Variants in WWOX observed in about 807,000 individuals in gnomAD.
WWOX encodes WW domain containing oxidoreductase, also known as WW domain-containing oxidoreductase.
WWOX carries 69 observed loss-of-function variants against 46.2 expected under a neutral mutation model. The observed-to-expected ratio is 1.49, with a 90% CI of 1.23 to 1.82. The LOEUF (loss-of-function observed/expected upper bound fraction) is 1.82. Among genes scored for constraint, WWOX ranks in the 40% most tolerant of loss-of-function variants. WWOX has a pLI of 0.00. For synonymous variants in WWOX, 359 were observed against 202.6 expected (o/e 1.77, Z -6.56); for missense variants, 919 against 542.6 (o/e 1.69, Z -6.89).
At chr16:78,144,429 C>CTATATATATATATATATATA (rs1231079672) in intron 4 of WWOX, among the ~76,000 whole-genome samples, 472 of 15,342 alleles carry the variant, frequency 0.031, 55 homozygotes, top group African/African-American at 0.039. Context: ...TTTGCCATTA[C>CTATATATATATATATATATA]TATATATATA....
chr16:78,964,428 CT>C (rs1025073352), intron 8 of WWOX, among the ~76,000 whole-genome samples: 22 of 152,326 alleles, frequency 1.4e-4, no homozygotes, highest in African/African-American at 5.1e-4. Flanking sequence ...CATTTTGCCC[CT>C]GCGCTAGAGA....
chr16:78,888,349 C>T (rs2044512309), intron 8 of WWOX, among the ~76,000 whole-genome samples: 1 of 152,184 alleles, frequency 6.6e-6, no homozygotes, highest in Non-Finnish European at 1.5e-5. Flanking sequence ...GAACTGAAAT[C>T]CCAGGTACCT....
intron 8 of WWOX, chr16:78,495,863 G>A (rs1339598656): frequency 6.6e-6 from 1 of 152,070 alleles, no homozygotes; most frequent in African/African-American, 2.4e-5. Flanking sequence ...ATTTTTTTCA[G>A]TGAGTGTGGA....
At chr16:78,530,270 G>A (rs1406377126) in intron 8 of WWOX, among the ~76,000 whole-genome samples, 1 of 152,164 alleles carries the variant, frequency 6.6e-6, no homozygotes, top group Non-Finnish European at 1.5e-5. Context: ...ACAGTTCAGT[G>A]GAGGGTCAGC....
intron 8 of WWOX, among the ~76,000 whole-genome samples, chr16:79,151,316 T>C (rs4622524): frequency 0.4 from 60,921 of 152,096 alleles, 13,805 homozygotes; most frequent in African/African-American, 0.62. Flanking sequence ...GGTGTGCTCC[T>C]GGAGGTCACT....
At chr16:79,182,768 G>T (rs953931946) in intron 8 of WWOX, among the ~76,000 whole-genome samples, 4 of 152,178 alleles carry the variant, frequency 2.6e-5, no homozygotes, top group African/African-American at 9.7e-5. Flanking sequence ...GAGTAAATGA[G>T]TCACTATTTC....
chr16:78,630,041 T>G (rs368244255), intron 8 of WWOX, among the ~76,000 whole-genome samples: 15 of 152,208 alleles, frequency 9.9e-5, no homozygotes, highest in East Asian at 3.8e-4. Flanking sequence ...GTCTCACTCA[T>G]GTAGACTCGA....
intron 5 of WWOX, among the ~76,000 whole-genome samples, chr16:78,234,630 C>T (rs1296263043): frequency 6.6e-6 from 1 of 152,050 alleles, no homozygotes; most frequent in African/African-American, 2.4e-5. Flanking sequence ...GCTAAGAACC[C>T]ATCAAATCAA....
intron 4 of WWOX, among the ~76,000 whole-genome samples, chr16:78,158,416 A>G (rs1355896472): frequency 6.6e-6 from 1 of 152,006 alleles, no homozygotes; most frequent in Non-Finnish European, 1.5e-5. Flanking sequence ...AGTTTAGAGC[A>G]ATGGGTTGGT....
intron 8 of WWOX, among the ~76,000 whole-genome samples, chr16:78,615,680 T>C (rs2046005407): frequency 6.7e-6 from 1 of 149,406 alleles, no homozygotes; most frequent in African/African-American, 2.5e-5. Context: ...AATAAATAAA[T>C]ACATAATAAA....
intron 8 of WWOX, among the ~76,000 whole-genome samples, chr16:78,901,768 C>G (rs2044837108): frequency 6.6e-6 from 1 of 152,210 alleles, no homozygotes; most frequent in Non-Finnish European, 1.5e-5. Context: ...GGATTACAGG[C>G]GTGAGCCACT....
intron 8 of WWOX, among the ~76,000 whole-genome samples, chr16:78,602,320 C>T (rs2045640678): frequency 2.0e-5 from 3 of 152,118 alleles, no homozygotes; most frequent in South Asian, 4.1e-4. Context: ...GCAACCTTCA[C>T]CTCCTAGGTT....
At chr16:78,894,029 A>ATTATTATTATTG (rs1353950073) in intron 8 of WWOX, among the ~76,000 whole-genome samples, 1 of 145,048 alleles carries the variant, frequency 6.9e-6, no homozygotes, top group Non-Finnish European at 1.5e-5. Context: ...TTTTATTATT[A>ATTATTATTATTG]TTATTATTAT....
At position 78,963,258 on chromosome 16, in the gene WWOX, C is replaced by T. The variant is rs563660112; in HGVS notation, c.1057-248350C>T. Among the ~76,000 whole-genome samples the T allele has an allele frequency of 9.9e-5, 15 of 152,114 alleles. No individual in the cohort carries two copies. In the East Asian group the frequency reaches 2.1e-3, roughly 22 times the overall value. On this transcript the variant is annotated intron_variant, in intron 8 of 8. Coordinates refer to ENST00000566780, the MANE Select transcript of WWOX (RefSeq NM_016373.4). The stretch of plus-strand genomic sequence containing the variant: ...CAGAGGTGAGAGGATTCCTTGAGTC[C>T]GGGAGTTGAAGACCAGTCTGGGCAA...
At chr16:78,778,920 A>T (rs772739508) in intron 8 of WWOX, among the ~76,000 whole-genome samples, 1 of 152,084 alleles carries the variant, frequency 6.6e-6, no homozygotes, top group Non-Finnish European at 1.5e-5. Context: ...TAGGGATAGG[A>T]TGTCGCCCCT....
intron 5 of WWOX, among the ~76,000 whole-genome samples, chr16:78,235,219 T>G (rs1247898039): frequency 6.6e-6 from 1 of 152,244 alleles, no homozygotes; most frequent in African/African-American, 2.4e-5. Context: ...TTCAAACAGC[T>G]CAGTACTTTA....
intron 8 of WWOX, among the ~76,000 whole-genome samples, chr16:78,944,442 A>G (rs988960287): frequency 6.6e-6 from 1 of 152,200 alleles, no homozygotes; most frequent in African/African-American, 2.4e-5. Flanking sequence ...TGATGGGGGC[A>G]AATATCACAA....
intron 8 of WWOX, among the ~76,000 whole-genome samples, chr16:79,076,684 G>A (rs562421458): frequency 2.6e-5 from 4 of 152,300 alleles, no homozygotes; most frequent in African/African-American, 2.4e-5. Flanking sequence ...CAGACGGATC[G>A]AACTTCGTCT....
chr16:78,550,936 C>G (rs998917240), intron 8 of WWOX: 1 of 152,056 alleles, frequency 6.6e-6, no homozygotes, highest in African/African-American at 2.4e-5. Flanking sequence ...GATAAATCCA[C>G]TGTAAGGAAT....
Sources: gnomAD v4.1 joint callset for allele counts (sites outside exome capture counted in the v4.1 genomes callset) on GRCh38, gnomAD v4.1.1 for gene constraint, MANE v1.5 for transcripts, NCBI Gene and HGNC (gene_info 2026-07-23, HGNC 2026-07-21) for gene names.